SMIM10L3: variants seen among roughly 807,000 people sequenced by gnomAD.
SMIM10L3 encodes salivary gland specific protein SAGSIN1.
At chr7:6,332,990 C>A in the SMIM10L3 span, among the ~76,000 whole-genome samples, 1 of 151,966 alleles carries the variant, frequency 6.6e-6, no homozygotes, top group African/African-American at 2.4e-5. Flanking sequence ...GAAACCCTGT[C>A]TCTATCAAAA....
chr7:6,345,423 G>A, the SMIM10L3 span, among the ~76,000 whole-genome samples: 2 of 152,210 alleles, frequency 1.3e-5, no homozygotes, highest in East Asian at 3.9e-4. Context: ...CCCTCGATCT[G>A]ATTTGTTTTT....
the SMIM10L3 span, among the ~76,000 whole-genome samples, chr7:6,345,826 T>C: frequency 6.6e-6 from 1 of 152,036 alleles, no homozygotes; most frequent in African/African-American, 2.4e-5. Context: ...TGGAGTGCAG[T>C]AGGGTGATCT....
At chr7:6,342,157 C>G in the SMIM10L3 span, among the ~76,000 whole-genome samples, 1 of 152,120 alleles carries the variant, frequency 6.6e-6, no homozygotes, top group South Asian at 2.1e-4. Context: ...AGCAGACAGT[C>G]TCTTCTTAAA....
the SMIM10L3 span, chr7:6,330,088 G>A: frequency 1.2e-4 from 45 of 369,934 alleles, no homozygotes; most frequent in African/African-American, 8.8e-4. Flanking sequence ...GAACTTCATG[G>A]TAAATCCGTA....
At chr7:6,332,229 A>G in the SMIM10L3 span, among the ~76,000 whole-genome samples, 1 of 151,972 alleles carries the variant, frequency 6.6e-6, no homozygotes, top group Non-Finnish European at 1.5e-5. Flanking sequence ...CAGCACCTTC[A>G]TTGTCTCTGA....
chr7:6,330,493 G>C, the SMIM10L3 span: 1 of 1,614,024 alleles, frequency 6.2e-7, no homozygotes, highest in East Asian at 2.2e-5. Flanking sequence ...TGTTTGCTTT[G>C]AAAACATGGG....
chr7:6,331,358 T>C, the SMIM10L3 span: 1 of 618,550 alleles, frequency 1.6e-6, no homozygotes, highest in South Asian at 2.1e-5. Flanking sequence ...GTACAGGGTT[T>C]CACCATATTG....
the SMIM10L3 span, among the ~76,000 whole-genome samples, chr7:6,337,553 A>T: frequency 1.3e-5 from 2 of 151,776 alleles, no homozygotes; most frequent in Admixed American, 1.3e-4. Flanking sequence ...ACATTTCTAG[A>T]ATTGTGTTAA....
the SMIM10L3 span, among the ~76,000 whole-genome samples, chr7:6,334,437 G>A: frequency 1.5e-3 from 235 of 151,938 alleles, 1 homozygote; most frequent in Non-Finnish European, 2.6e-3. Flanking sequence ...TCGGGAGGGT[G>A]AGGCAGGAGA....
chr7:6,343,445 T>TATATATATATATATA, the SMIM10L3 span, among the ~76,000 whole-genome samples: 3 of 109,778 alleles, frequency 2.7e-5, no homozygotes, highest in Admixed American at 1.1e-4. Flanking sequence ...TATATATATA[T>TATATATATATATATA]GATCTAGGAC....
At chr7:6,337,588 T>A in the SMIM10L3 span, among the ~76,000 whole-genome samples, 1 of 137,152 alleles carries the variant, frequency 7.3e-6, no homozygotes, top group Non-Finnish European at 1.6e-5. Flanking sequence ...AGTACCATTA[T>A]TTTTTTTCAT....
the SMIM10L3 span, among the ~76,000 whole-genome samples, chr7:6,343,621 T>A: frequency 2.0e-5 from 3 of 151,764 alleles, no homozygotes; most frequent in African/African-American, 4.8e-5. Context: ...TCTGTATAAA[T>A]AAGAAGGATG....
chr7:6,334,708 C>T, the SMIM10L3 span, among the ~76,000 whole-genome samples: 2 of 152,008 alleles, frequency 1.3e-5, no homozygotes, highest in African/African-American at 4.8e-5. Context: ...TCAGGCAGTC[C>T]ACCTGCCTTG....
At chr7:6,330,802 G>A in the SMIM10L3 span, 2 of 1,614,066 alleles carry the variant, frequency 1.2e-6, no homozygotes, top group African/African-American at 1.3e-5. Context: ...ACCACTGCAG[G>A]ACACCCGAGC....
chr7:6,333,948 G>A, the SMIM10L3 span, among the ~76,000 whole-genome samples: 1,320 of 146,748 alleles, frequency 9.0e-3, 7 homozygotes, highest in South Asian at 0.014. Context: ...CCGGGTTCAC[G>A]CCATTCTCCT....
chr7:6,348,956 G>A, the SMIM10L3 span: 1 of 377,232 alleles, frequency 2.7e-6, no homozygotes, highest in Non-Finnish European at 4.7e-6. Context: ...TACCAGCCTG[G>A]CCGCGCAGCC....
chr7:6,345,517 G>C, the SMIM10L3 span, among the ~76,000 whole-genome samples: 1 of 152,152 alleles, frequency 6.6e-6, no homozygotes, highest in Non-Finnish European at 1.5e-5. Flanking sequence ...AGACTAGAGA[G>C]GTGGTTATAA....
the SMIM10L3 span, among the ~76,000 whole-genome samples, chr7:6,336,722 C>T: frequency 3.6e-4 from 54 of 151,664 alleles, no homozygotes; most frequent in Non-Finnish European, 3.1e-4. Context: ...GGCACAGTCA[C>T]GGCTCACTGC....
the SMIM10L3 span, among the ~76,000 whole-genome samples, chr7:6,333,904 T>C: frequency 3.9e-4 from 57 of 144,578 alleles, no homozygotes; most frequent in Admixed American, 1.4e-3. Context: ...TGGAGTGCAG[T>C]GGCGCCATCT....
Sources: gnomAD v4.1 joint callset for allele counts (sites outside exome capture counted in the v4.1 genomes callset) on GRCh38, gnomAD v4.1.1 for gene constraint, MANE v1.5 for transcripts, NCBI Gene and HGNC (gene_info 2026-07-23, HGNC 2026-07-21) for gene names.